The following CNTN4 variants were observed in gnomAD, a reference collection of about 807,000 sequenced individuals.
CNTN4 encodes the protein contactin-4.
Under a neutral mutation model 122.5 loss-of-function variants are expected in CNTN4, and 77 were observed. That is an observed-to-expected ratio of 0.63 (90% CI 0.52 to 0.76). The LOEUF is 0.76. CNTN4 is among the 30% of genes least tolerant of loss of function. The probability of loss-of-function intolerance (pLI) is 0.00; values close to 1 mark genes in which losing one functional copy is unlikely to be tolerated. For synonymous variants in CNTN4, 512 were observed against 447.0 expected (o/e 1.15, Z -1.83); for missense variants, 1,256 against 1,259.1 (o/e 1.00, Z 0.04).
chr3:2,114,174 G>A (rs2033174244), intron 2 of CNTN4, among the ~76,000 whole-genome samples: 1 of 152,088 alleles, frequency 6.6e-6, no homozygotes, highest in Middle Eastern at 3.4e-3. Flanking sequence ...AAAGAGGGTG[G>A]CCAGGTGGTG....
chr3:2,111,469 A>G (rs1304331255), intron 2 of CNTN4, among the ~76,000 whole-genome samples: 3 of 152,192 alleles, frequency 2.0e-5, no homozygotes, highest in African/African-American at 4.8e-5. Flanking sequence ...GAAAAGAAAC[A>G]TAATATAATG....
intron 4 of CNTN4, among the ~76,000 whole-genome samples, chr3:2,729,366 C>A: frequency 6.7e-6 from 1 of 149,388 alleles, no homozygotes; most frequent in African/African-American, 2.5e-5. Flanking sequence ...AGATTGAGAC[C>A]ATCCCGGCTA....
At chr3:2,876,788 A>C (rs1639023437) in intron 8 of CNTN4, among the ~76,000 whole-genome samples, 1 of 152,202 alleles carries the variant, frequency 6.6e-6, no homozygotes, top group Non-Finnish European at 1.5e-5. Flanking sequence ...TCTTCTACAG[A>C]GTCCAGACTC....
At chr3:2,816,627 C>G (rs1445287622) in intron 6 of CNTN4, among the ~76,000 whole-genome samples, 1 of 151,028 alleles carries the variant, frequency 6.6e-6, no homozygotes, top group Non-Finnish European at 1.5e-5. Context: ...TCGAGACTAT[C>G]CTGGCCAACA....
At chr3:2,996,546 A>G (rs1695554188) in intron 14 of CNTN4, among the ~76,000 whole-genome samples, 1 of 152,218 alleles carries the variant, frequency 6.6e-6, no homozygotes, top group Non-Finnish European at 1.5e-5. Context: ...CAGAATAAAC[A>G]AAACAAACAA....
In CNTN4 at chr3:2,816,612, A is replaced by G. The variant is rs2092736810; in HGVS notation, c.359-2874A>G. On this transcript the variant is annotated intron_variant, in intron 6 of 24. Coordinates refer to ENST00000418658, the MANE Select transcript of CNTN4 (RefSeq NM_175607.3). ...CTGAGGCGGGTGGATCATGAAGTCA[A>G]GAGATCGAGACTATCCTGGCCAACA... is the stretch of plus-strand genomic sequence containing the variant. 2.0e-5 allele frequency among the ~76,000 whole-genome samples: 3 copies of G among 151,134 alleles called. No homozygotes were observed. In the South Asian group the frequency reaches 6.3e-4, roughly 32 times the overall value.
intron 2 of CNTN4, among the ~76,000 whole-genome samples, chr3:2,305,507 C>A (rs1191062155): frequency 6.6e-6 from 1 of 151,934 alleles, no homozygotes; most frequent in Non-Finnish European, 1.5e-5. Flanking sequence ...TTAACTTATC[C>A]TTTCTTATAT....
At chr3:2,547,672 C>G (rs983840626) in intron 3 of CNTN4, among the ~76,000 whole-genome samples, 1 of 152,030 alleles carries the variant, frequency 6.6e-6, no homozygotes, top group Non-Finnish European at 1.5e-5. Context: ...TGGAAAAACA[C>G]TTAATAGTCA....
chr3:2,630,954 T>C (rs2082405119), intron 4 of CNTN4, among the ~76,000 whole-genome samples: 1 of 152,136 alleles, frequency 6.6e-6, no homozygotes, highest in Non-Finnish European at 1.5e-5. Flanking sequence ...AACCTCAACT[T>C]ATAGTCAGTT....
chr3:2,158,810 T>A (rs2035832892), intron 2 of CNTN4, among the ~76,000 whole-genome samples: 1 of 152,240 alleles, frequency 6.6e-6, no homozygotes, highest in African/African-American at 2.4e-5. Context: ...CAGAAAAGCA[T>A]GGAGTCTGTT....
intron 14 of CNTN4, among the ~76,000 whole-genome samples, chr3:2,994,594 CATATAT>C (rs35069373): frequency 0.018 from 2,623 of 144,652 alleles, 92 homozygotes; most frequent in African/African-American, 0.062. Flanking sequence ...CAGATTTTTT[CATATAT>C]ATATATATAT....
intron 6 of CNTN4, among the ~76,000 whole-genome samples, chr3:2,769,474 A>G: frequency 6.6e-6 from 1 of 151,720 alleles, no homozygotes; most frequent in South Asian, 2.1e-4. Context: ...CAAAAAAAAA[A>G]AAAACAGAAA....
At chr3:3,003,336 C>T (rs1696234738) in intron 14 of CNTN4, among the ~76,000 whole-genome samples, 1 of 152,014 alleles carries the variant, frequency 6.6e-6, no homozygotes, top group Non-Finnish European at 1.5e-5. Context: ...TGAAATCAAC[C>T]CAAATGCCCA....
At chr3:2,772,477 A>T (rs747662065) in intron 6 of CNTN4, among the ~76,000 whole-genome samples, 45 of 152,228 alleles carry the variant, frequency 3.0e-4, no homozygotes, top group Middle Eastern at 3.4e-3. Context: ...AATGTCTTGG[A>T]TGGTGGGGTA....
intron 4 of CNTN4, among the ~76,000 whole-genome samples, chr3:2,646,958 C>A (rs939736022): frequency 6.6e-6 from 1 of 152,186 alleles, no homozygotes; most frequent in African/African-American, 2.4e-5. Context: ...AGGGCTTCAG[C>A]ATGAAATTTG....
Position 3,029,522 on chromosome 3 carries a change from G to A in CNTN4, c.1663-1333G>A, listed in dbSNP as rs555510787. On this transcript the variant is annotated intron_variant, in intron 15 of 24. Coordinates refer to ENST00000418658, the MANE Select transcript of CNTN4 (RefSeq NM_175607.3). Reference sequence around the variant, plus strand: ...CCATGCTTTGGCATCTCTTCTAATCGTATTTCTAATTGGCAATTCTATCTC... The same window carrying A: ...CCATGCTTTGGCATCTCTTCTAATCATATTTCTAATTGGCAATTCTATCTC... Among the ~76,000 whole-genome samples, 15 of 152,254 alleles carry A rather than the reference G, an allele frequency of 9.9e-5. No individual in the cohort carries two copies. In the South Asian group the frequency reaches 1.0e-3, roughly 11 times the overall value.
rs9855855 is a variant in CNTN4, at chr3:2,233,322, C to T, written c.-144-105856C>T. On this transcript the variant is annotated intron_variant, in intron 2 of 24. Transcript: ENST00000418658. ...TTTTAATGTCAGTAGATGGCATTCT[C>T]CACTGGAAACACACTTCATAACTCC... 9.3e-3 allele frequency among the ~76,000 whole-genome samples: 1,417 copies of T among 152,188 alleles called. 16 individuals are homozygous for T. The highest frequency in any genetic ancestry group is 0.032 in the African/African-American group (1,330 of 41,512).
At chr3:2,283,383 C>T (rs1429256668) in intron 2 of CNTN4, among the ~76,000 whole-genome samples, 2 of 152,012 alleles carry the variant, frequency 1.3e-5, no homozygotes, top group Non-Finnish European at 2.9e-5. Context: ...GTATGTATTC[C>T]AGTTTCCACA....
chr3:2,712,166 A>G (rs1420757145), intron 4 of CNTN4, among the ~76,000 whole-genome samples: 6 of 152,208 alleles, frequency 3.9e-5, no homozygotes, highest in Non-Finnish European at 7.3e-5. Context: ...TTGTATGCAC[A>G]TTGTTATAAC....
Sources: allele counts gnomAD v4.1 joint callset (sites outside exome capture counted in the v4.1 genomes callset), GRCh38; gene constraint gnomAD v4.1.1; transcripts MANE v1.5; gene names NCBI Gene and HGNC (gene_info 2026-07-23, HGNC 2026-07-21).